Variants in CCDC175 observed in about 807,000 individuals in gnomAD.
CCDC175 encodes the protein coiled-coil domain-containing protein 175.
Under a neutral mutation model 114.6 loss-of-function variants are expected in CCDC175, and 100 were observed. The observed-to-expected ratio is 0.87, with a 90% CI of 0.74 to 1.03. The LOEUF (loss-of-function observed/expected upper bound fraction) is 1.03. CCDC175 is among the 50% of genes least tolerant of loss of function. The pLI is 0.00. For missense variants in CCDC175, 880 were observed against 917.8 expected, an observed-to-expected ratio of 0.96 and a Z score of 0.53; for synonymous variants, 306 against 308.7, an observed-to-expected ratio of 0.99 and a Z score of 0.09.
At chr14:59,518,561 GA>G (rs1407883203) in intron 17 of CCDC175, among the ~76,000 whole-genome samples, 1 of 152,162 alleles carries the variant, frequency 6.6e-6, no homozygotes, top group African/African-American at 2.4e-5. Context: ...AAAGACACAT[GA>G]AAAAATGCTC....
At chr14:59,533,892 G>T (rs1234768048) in intron 13 of CCDC175, among the ~76,000 whole-genome samples, 1 of 151,662 alleles carries the variant, frequency 6.6e-6, no homozygotes. Flanking sequence ...GGGAGGCTGA[G>T]GCAGGAGAAT....
rs530514323 is a variant in CCDC175 at position 59,529,402 on chromosome 14, C to A, written c.1763-2228G>T. On this transcript the variant is annotated intron_variant, in intron 14 of 19. Transcript: ENST00000537690. The stretch of plus-strand genomic sequence containing the variant: ...GGAGGAGGAGTCACTCAGCTAACTG[C>A]ACAAGAAGGGGATTTGACCTGGAGC... 2.0e-5 allele frequency among the ~76,000 whole-genome samples: 3 copies of A among 152,256 alleles called. No individual in the cohort carries two copies. The South Asian group carries it at 6.2e-4, about 32-fold the overall frequency.
intron 19 of CCDC175, among the ~76,000 whole-genome samples, chr14:59,508,690 G>A (rs1485469683): frequency 3.3e-5 from 5 of 151,942 alleles, no homozygotes; most frequent in Non-Finnish European, 7.4e-5. Context: ...GTGGCCTTTG[G>A]GAGGTGATTA....
chr14:59,518,019 T>C (rs889914463), intron 17 of CCDC175, among the ~76,000 whole-genome samples: 34 of 152,232 alleles, frequency 2.2e-4, no homozygotes, highest in Admixed American at 1.9e-3. Context: ...TAATGCCGCA[T>C]ATCTACAACC....
In CCDC175 at chr14:59,565,072, A is replaced by T. The variant is rs1443367208; in HGVS notation, c.695T>A (p.Ile232Lys). ...LMEKERAEYLIRKQELTAQIN... is the reference protein window; with the variant it reads ...LMEKERAEYLKRKQELTAQIN... ...CTGTGCAGTCAACTCTTGTTTTCTT[A>T]TTAGATATTCTGCCCTTTCTTTTTC... Residue 232 changes from isoleucine (I) to lysine (K), a missense_variant, in exon 5 of 20, where the codon ATA (isoleucine) becomes AAA (lysine). By Grantham distance (102) the Ile-to-Lys change is moderately radical. Transcript: ENST00000537690. 4 of 1,536,242 alleles carry T rather than the reference A, an allele frequency of 2.6e-6. No individual in the cohort carries two copies. Among genetic ancestry groups the T allele is most frequent in the Non-Finnish European group, 3.5e-6 (4 of 1,146,324 alleles).
chr14:59,567,279 A>G (rs77559832), intron 4 of CCDC175, among the ~76,000 whole-genome samples: 1 of 152,300 alleles, frequency 6.6e-6, no homozygotes, highest in East Asian at 1.9e-4. Context: ...GTATTTCTCA[A>G]ACTTATGTAA....
chr14:59,548,809 G>A (rs780334203), intron 8 of CCDC175, among the ~76,000 whole-genome samples: 11 of 152,150 alleles, frequency 7.2e-5, no homozygotes, highest in Non-Finnish European at 1.3e-4. Flanking sequence ...GCTCACAAAA[G>A]CAAAAATGGA....
At chr14:59,554,432 A>G (rs937163612) in intron 7 of CCDC175, among the ~76,000 whole-genome samples, 9 of 152,258 alleles carry the variant, frequency 5.9e-5, no homozygotes, top group South Asian at 2.1e-4. Context: ...ACAAAGACAC[A>G]ACATATCAGA....
At chr14:59,518,455 G>A (rs1893233516) in intron 17 of CCDC175, among the ~76,000 whole-genome samples, 1 of 152,004 alleles carries the variant, frequency 6.6e-6, no homozygotes, top group Non-Finnish European at 1.5e-5. Flanking sequence ...AATCTACAAT[G>A]AACTCAGACA....
intron 13 of CCDC175, among the ~76,000 whole-genome samples, 153 bp downstream of exon 13, chr14:59,537,870 A>G: frequency 6.6e-6 from 1 of 152,262 alleles, no homozygotes. Context: ...CTTCCTCTTC[A>G]GGAAAAGAAG....
chr14:59,571,288 T>A (rs1183522998), intron 3 of CCDC175, among the ~76,000 whole-genome samples: 1 of 152,216 alleles, frequency 6.6e-6, no homozygotes, highest in Non-Finnish European at 1.5e-5. Context: ...TTTAAAACTT[T>A]TGTGCTTCAA....
intron 7 of CCDC175, among the ~76,000 whole-genome samples, chr14:59,552,231 C>T (rs539917231): frequency 2.6e-4 from 39 of 152,338 alleles, no homozygotes; most frequent in Admixed American, 2.4e-3. Context: ...TAGGGGCAGA[C>T]TGACACGTCA....
At chr14:59,512,313 A>C (rs1362861432) in intron 17 of CCDC175, among the ~76,000 whole-genome samples, 1 of 152,244 alleles carries the variant, frequency 6.6e-6, no homozygotes, top group Admixed American at 6.5e-5. Context: ...TGAGCATCTC[A>C]GTGGCTGTCT....
At chr14:59,530,087 T>C (rs1893974256) in intron 14 of CCDC175, among the ~76,000 whole-genome samples, 1 of 152,122 alleles carries the variant, frequency 6.6e-6, no homozygotes, top group African/African-American at 2.4e-5. Flanking sequence ...AAATTGGGAC[T>C]AGGCTGGGTG....
chr14:59,515,619 A>G (rs1893032305), intron 17 of CCDC175, among the ~76,000 whole-genome samples: 1 of 152,208 alleles, frequency 6.6e-6, no homozygotes, highest in African/African-American at 2.4e-5. Context: ...AGAGCTAACT[A>G]TCCTAAATAT....
chr14:59,540,077 A>G (rs1894677873), intron 11 of CCDC175, among the ~76,000 whole-genome samples: 1 of 152,156 alleles, frequency 6.6e-6, no homozygotes, highest in Non-Finnish European at 1.5e-5. Flanking sequence ...TCTCAAAATA[A>G]TAATAATAAT....
At position 59,575,047 on chromosome 14, in the gene CCDC175, A is replaced by G; in HGVS notation, c.158-19T>C. ...GATTGTTCTGAAAAAAAAATTAGAAAATAAAGATCTCTTATTTATCTATCC... is the reference window on the plus strand; with the variant it reads ...GATTGTTCTGAAAAAAAAATTAGAAGATAAAGATCTCTTATTTATCTATCC... On this transcript the variant is annotated intron_variant, in intron 1 of 19. Transcript: ENST00000537690. 1 of 1,315,364 alleles carries G rather than the reference A, an allele frequency of 7.6e-7. No homozygotes were observed. Among genetic ancestry groups the G allele is most frequent in the Non-Finnish European group, 1.0e-6 (1 of 962,912 alleles). 81.5% of individuals were successfully genotyped at this position (1,315,364 alleles called of 1,614,324 possible).
chr14:59,526,592 T>A (rs1391821655), intron 15 of CCDC175, among the ~76,000 whole-genome samples: 1 of 151,928 alleles, frequency 6.6e-6, no homozygotes, highest in Non-Finnish European at 1.5e-5. Context: ...TATCAATGCA[T>A]CTCAGAGAAT....
rs573053433 is a variant in CCDC175, at chr14:59,514,431, G to A, written c.2099-2628C>T. Among the ~76,000 whole-genome samples the A allele has an allele frequency of 2.1e-3, 320 of 152,216 alleles. 1 individual carries two copies. Among genetic ancestry groups the A allele is most frequent in the African/African-American group, 6.9e-3 (287 of 41,526 alleles). ...TAAAAACCTTGAAAAAAAATTAGAC[G>A]AATGGCTAACTAGAATAACCAATGC... On this transcript the variant is annotated intron_variant, in intron 17 of 19. Coordinates refer to ENST00000537690, the MANE Select transcript of CCDC175 (RefSeq NM_001164399.2).
Sources: gnomAD v4.1 joint callset for allele counts (sites outside exome capture counted in the v4.1 genomes callset) on GRCh38, gnomAD v4.1.1 for gene constraint, MANE v1.5 for transcripts, NCBI Gene and HGNC (gene_info 2026-07-23, HGNC 2026-07-21) for gene names.